OR2C1: variants seen among roughly 807,000 people sequenced by gnomAD.
The protein encoded by OR2C1 is olfactory receptor family 2 subfamily C member 1.
For missense variants in OR2C1, 468 were observed against 388.3 expected (o/e 1.21, Z -1.73); for synonymous variants, 209 against 167.3 (o/e 1.25, Z -1.92).
chr16:3,352,065 C>T (rs1012393751), upstream of OR2C1, among the ~76,000 whole-genome samples: 2 of 151,928 alleles, frequency 1.3e-5, no homozygotes, highest in South Asian at 2.1e-4. Flanking sequence ...AAGTCCCTTC[C>T]GAGTGGCCTA....
In OR2C1 at chr16:3,356,651, G is replaced by A. The variant is rs755845257; in HGVS notation, c.711G>A (p.Ala237=). 7.2e-5 allele frequency: 116 copies of A among 1,614,022 alleles called. No homozygotes were observed. The highest frequency in any genetic ancestry group is 2.3e-4 in the African/African-American group (17 of 74,920). ...KIRSAEGRRK[A]FNTCLSHLLV... ...GCTCTGCAGAGGGGAGGCGAAAGGC[G>A]TTCAATACGTGCCTCTCCCATCTGC... The change falls in exon 1 of 1, where the codon GCG becomes GCA. Residue 237 remains alanine, a synonymous_variant. Coordinates refer to ENST00000304936, the MANE Select transcript of OR2C1 (RefSeq NM_012368.3).
At chr16:3,335,182 C>G in the OR2C1 span, among the ~76,000 whole-genome samples, 1 of 152,142 alleles carries the variant, frequency 6.6e-6, no homozygotes, top group Admixed American at 6.6e-5. Context: ...GTCTGTATAA[C>G]TTTTAGGATT....
Position 3,356,353 on chromosome 16 carries a change from C to T in OR2C1, c.413C>T (p.Pro138Leu), listed in dbSNP as rs1360751896. ...RPLRYTAIMN[P>L]QLCWLLAVIA... ...CTCCGCTACACCGCCATCATGAACC[C>T]CCAGCTCTGCTGGCTGCTGGCTGTG... The change falls in exon 1 of 1, where the codon CCC becomes CTC. Residue 138 changes from proline to leucine, a missense_variant. Coordinates refer to ENST00000304936, the MANE Select transcript of OR2C1 (RefSeq NM_012368.3). 1 of 1,613,604 alleles carries T rather than the reference C, an allele frequency of 6.2e-7. No individual in the cohort carries two copies. Among genetic ancestry groups the T allele is most frequent in the Admixed American group, 1.7e-5 (1 of 60,022 alleles).
At chr16:3,329,178 A>ACACT in the OR2C1 span, among the ~76,000 whole-genome samples, 2 of 146,066 alleles carry the variant, frequency 1.4e-5, no homozygotes, top group South Asian at 4.7e-4. Flanking sequence ...AGACACACAC[A>ACACT]CACACACACA....
chr16:3,349,425 G>A, the OR2C1 span, among the ~76,000 whole-genome samples: 15 of 152,218 alleles, frequency 9.9e-5, no homozygotes, highest in South Asian at 2.3e-3. Flanking sequence ...GCGACCCAGT[G>A]CTACTCCAGG....
chr16:3,345,990 C>T, the OR2C1 span, among the ~76,000 whole-genome samples: 29 of 152,078 alleles, frequency 1.9e-4, no homozygotes, highest in African/African-American at 3.9e-4. Context: ...TGCACCACCA[C>T]GTCTAACTAA....
chr16:3,326,285 C>G, the OR2C1 span, among the ~76,000 whole-genome samples: 3 of 152,060 alleles, frequency 2.0e-5, no homozygotes, highest in African/African-American at 7.2e-5. Context: ...AGCACTCACC[C>G]TACACCAGGC....
At chr16:3,323,950 C>G in the OR2C1 span, 6,729 of 694,188 alleles carry the variant, frequency 9.7e-3, 350 homozygotes, top group African/African-American at 0.11. Flanking sequence ...AGCTGCTGAT[C>G]CTTACTGTTG....
downstream of OR2C1, among the ~76,000 whole-genome samples, chr16:3,358,031 T>G (rs1050351971): frequency 6.6e-6 from 1 of 152,056 alleles, no homozygotes; most frequent in African/African-American, 2.4e-5. Flanking sequence ...GTCCATACTT[T>G]CCATCCATAT....
the OR2C1 span, among the ~76,000 whole-genome samples, chr16:3,334,526 A>G: frequency 6.8e-6 from 1 of 146,522 alleles, no homozygotes; most frequent in Non-Finnish European, 1.5e-5. Flanking sequence ...AATCTGCCCA[A>G]CTCAGCCTCC....
At chr16:3,332,262 A>G in the OR2C1 span, among the ~76,000 whole-genome samples, 8 of 151,878 alleles carry the variant, frequency 5.3e-5, no homozygotes, top group South Asian at 6.2e-4. Flanking sequence ...ATAATAAAAT[A>G]AAAATTTTTT....
chr16:3,343,721 C>T, the OR2C1 span, among the ~76,000 whole-genome samples: 1 of 152,120 alleles, frequency 6.6e-6, no homozygotes, highest in Non-Finnish European at 1.5e-5. Flanking sequence ...CACTGCACTC[C>T]AGCCTGGGCA....
chr16:3,352,347 C>T (rs567998840), upstream of OR2C1, among the ~76,000 whole-genome samples: 10 of 152,202 alleles, frequency 6.6e-5, no homozygotes, highest in South Asian at 1.9e-3. Context: ...GGTTTCCTGA[C>T]CTCGTGATCC....
chr16:3,351,584 C>G (rs1214844092), upstream of OR2C1, among the ~76,000 whole-genome samples: 1 of 152,194 alleles, frequency 6.6e-6, no homozygotes, highest in Non-Finnish European at 1.5e-5. Flanking sequence ...TCCTCCTTCT[C>G]CCTGTTCTCT....
chr16:3,354,370 T>C (rs112281420), upstream of OR2C1, among the ~76,000 whole-genome samples: 327 of 152,362 alleles, frequency 2.1e-3, 1 homozygote, highest in Middle Eastern at 0.02. Flanking sequence ...CTGTAAATCT[T>C]CTAATTTCCC....
the OR2C1 span, among the ~76,000 whole-genome samples, chr16:3,338,538 C>CTTTTTTTTTTTTTTTTTTTTT: frequency 2.9e-5 from 3 of 103,288 alleles, 1 homozygote; most frequent in African/African-American, 7.7e-5. Flanking sequence ...GTATAGGTAC[C>CTTTTTTTTTTTTTTTTTTTTT]TTTTTTTTTT....
chr16:3,343,211 C>T, the OR2C1 span, among the ~76,000 whole-genome samples: 5 of 152,056 alleles, frequency 3.3e-5, no homozygotes, highest in African/African-American at 1.2e-4. Flanking sequence ...AATAAATATA[C>T]CTATGCACAT....
upstream of OR2C1, among the ~76,000 whole-genome samples, chr16:3,354,768 A>T (rs1035564031): frequency 6.6e-6 from 1 of 151,998 alleles, no homozygotes. Flanking sequence ...GGCTGGGGAA[A>T]TGTGTTGTTG....
At chr16:3,332,229 TAATC>T in the OR2C1 span, among the ~76,000 whole-genome samples, 7 of 151,776 alleles carry the variant, frequency 4.6e-5, no homozygotes, top group South Asian at 2.1e-4. Context: ...AGTATAATAA[TAATC>T]AATTAAAAAA....
Sources: allele counts gnomAD v4.1 joint callset (sites outside exome capture counted in the v4.1 genomes callset), GRCh38; gene constraint gnomAD v4.1.1; transcripts MANE v1.5; gene names NCBI Gene and HGNC (gene_info 2026-07-23, HGNC 2026-07-21).